HSPA4: variants seen among roughly 807,000 people sequenced by gnomAD.
HSPA4 encodes the protein heat shock 70 kDa protein 4.
In HSPA4, 25 loss-of-function variants were observed where a neutral mutation model predicts 106.2. The observed-to-expected ratio is 0.24, with a 90% CI of 0.17 to 0.33. The LOEUF is 0.33. HSPA4 is among the 10% of genes least tolerant of loss of function. The probability of loss-of-function intolerance (pLI) is 1.00; values close to 1 mark genes in which losing one functional copy is unlikely to be tolerated. For synonymous variants in HSPA4, 332 were observed against 333.6 expected (o/e 1.00, Z 0.05); for missense variants, 841 against 996.0 (o/e 0.84, Z 2.10).
chr5:133,101,920 A>AT (rs1169847023), intron 17 of HSPA4, 42 bp downstream of exon 17: 2 of 1,174,472 alleles, frequency 1.7e-6, no homozygotes, highest in Non-Finnish European at 2.3e-6. Flanking sequence ...AGTAAAGTTA[A>AT]CTTTTTTTTT....
At chr5:133,061,730 G>T (rs1212737078) in intron 1 of HSPA4, among the ~76,000 whole-genome samples, 1 of 150,452 alleles carries the variant, frequency 6.6e-6, no homozygotes, top group Non-Finnish European at 1.5e-5. Flanking sequence ...AGCGATTCTG[G>T]TGCCTCAGCC....
At chr5:133,099,440 G>C in intron 15 of HSPA4, 105 bp from the exon 16 acceptor site, 2 of 520,874 alleles carry the variant, frequency 3.8e-6, no homozygotes, top group Non-Finnish European at 6.9e-6. Context: ...GCTGCCCTCT[G>C]TATTTTAAAG....
chr5:133,070,655 A>G (rs1581468977), intron 4 of HSPA4, among the ~76,000 whole-genome samples, 159 bp downstream of exon 4: 2 of 152,296 alleles, frequency 1.3e-5, no homozygotes, highest in East Asian at 3.9e-4. Context: ...TAATCCCAGC[A>G]CTTTGGGAGG....
rs1765845968 is a variant in HSPA4, at chr5:133,105,537, C to G, written c.*1101C>G. 1 of 152,134 alleles carries G rather than the reference C, an allele frequency of 6.6e-6. No homozygotes were observed. Among genetic ancestry groups the G allele is most frequent in the South Asian group, 2.1e-4 (1 of 4,826 alleles). 9.4% of individuals were successfully genotyped at this position (152,134 alleles called of 1,614,324 possible). A position where few individuals can be genotyped will look rare whatever the true frequency, so the allele number is the denominator to read the frequency against. ...TCATTCTTAACTGTGTGGCCAATGT[C>G]AGGTATACCAAAGCATTCCTCTGAC... On this transcript the variant is annotated 3_prime_UTR_variant, in exon 19 of 19. Transcript: ENST00000304858.
At position 133,055,307 on chromosome 5, in the gene HSPA4, ATTTTTTTTTTT is replaced by A. The variant is rs397999293; in HGVS notation, c.107+2971_107+2981del. ...ATAGAAAATGGTAGCAGGAAGGTTGATTTTTTTTTTTTTTTTTTTTTTTTTTTTTTTGGTAG... is the reference window on the plus strand; with the variant it reads ...ATAGAAAATGGTAGCAGGAAGGTTGATTTTTTTTTTTTTTTTTTTTGGTAG... On this transcript the variant is annotated intron_variant, in intron 1 of 18. Transcript: ENST00000304858. Among the ~76,000 whole-genome samples the A allele has an allele frequency of 5.0e-4, 30 of 60,104 alleles. 1 individual carries two copies. The highest frequency in any genetic ancestry group is 9.3e-4 in the African/African-American group (15 of 16,174). The allele number at this position is 60,104 out of a possible 152,430, so 39.4% of individuals were successfully genotyped here. A position where few individuals can be genotyped will look rare whatever the true frequency, so the allele number is the denominator to read the frequency against.
intron 14 of HSPA4, among the ~76,000 whole-genome samples, 186 bp from the exon 15 acceptor site, chr5:133,096,975 A>C (rs941319589): frequency 6.6e-6 from 1 of 151,978 alleles, no homozygotes; most frequent in African/African-American, 2.4e-5. Context: ...TTTTAATCCC[A>C]CCTACAAAAC....
At chr5:133,054,897 A>T (rs1765139740) in intron 1 of HSPA4, among the ~76,000 whole-genome samples, 1 of 152,178 alleles carries the variant, frequency 6.6e-6, no homozygotes, top group African/African-American at 2.4e-5. Flanking sequence ...GTGATTGAAC[A>T]CGCTTTAGTT....
intron 13 of HSPA4, among the ~76,000 whole-genome samples, chr5:133,093,914 G>A (rs1263765185): frequency 6.6e-6 from 1 of 151,892 alleles, no homozygotes; most frequent in Non-Finnish European, 1.5e-5. Flanking sequence ...CCAACATGGT[G>A]AAACCCCGTC....
intron 1 of HSPA4, among the ~76,000 whole-genome samples, chr5:133,059,180 G>T (rs1034613575): frequency 1.3e-5 from 2 of 151,584 alleles, no homozygotes; most frequent in Admixed American, 6.6e-5. Context: ...GGGTGTGGTG[G>T]CTCGTGCCTG....
chr5:133,070,791 A>C (rs951584555), intron 4 of HSPA4, among the ~76,000 whole-genome samples: 4 of 152,130 alleles, frequency 2.6e-5, no homozygotes, highest in Non-Finnish European at 5.9e-5. Flanking sequence ...AATCCCAGCT[A>C]TTCGGGAGGC....
Position 133,074,089 on chromosome 5 carries a change from A to G in HSPA4, c.626A>G (p.Gln209Arg). The G allele has an allele frequency of 6.2e-7, 1 of 1,605,842 alleles. No homozygotes were observed. Among genetic ancestry groups the G allele is most frequent in the Non-Finnish European group, 8.5e-7 (1 of 1,176,298 alleles). ...VFVDMGHSAYQVSVCAFNRGK... is the reference protein window; with the variant it reads ...VFVDMGHSAYRVSVCAFNRGK... ...GTAGACATGGGCCACTCTGCTTATC[A>G]AGTTTCTGTATGTGCATTTAATAGA... The change falls in exon 6 of 19, where the codon CAA (glutamine) becomes CGA (arginine). Residue 209 changes from glutamine to arginine, a missense_variant. Gln to Arg is a conservative substitution (Grantham distance 43, BLOSUM62 1). Coordinates refer to ENST00000304858, the MANE Select transcript of HSPA4 (RefSeq NM_002154.4).
chr5:133,101,860 C>T lies in HSPA4; in HGVS notation c.2139C>T (p.Ile713=). ...GKQIQQYMKI[I]SSFKNKEDQY... is the part of the protein sequence containing the mutation. ...AGATCCAACAGTATATGAAAATAAT[C>T]AGCTCTTTCAAAAACAAGGTAACTT... Residue 713 remains isoleucine (I), a synonymous_variant, in exon 17 of 19, where the codon ATC becomes ATT. Transcript: ENST00000304858. 6.4e-7 allele frequency: 1 copy of T among 1,574,292 alleles called. No homozygotes were observed. The highest frequency in any genetic ancestry group is 8.6e-7 in the Non-Finnish European group (1 of 1,158,270).
intron 1 of HSPA4, chr5:133,052,653 A>G (rs1014343842): frequency 2.6e-6 from 1 of 378,954 alleles, no homozygotes; most frequent in Non-Finnish European, 4.8e-6. Flanking sequence ...GAAGGACTGC[A>G]GGCCTAGGAT....
chr5:133,052,040 G>C lies in HSPA4; in HGVS notation c.-211G>C, dbSNP rs1765083059. ...GATCTTCTCCGCCCCCGCTACCGGC[G>C]CCTCCTCTGCGGCCACTGAGCCGGA... On this transcript the variant is annotated 5_prime_UTR_variant, in exon 1 of 19. Coordinates refer to ENST00000304858, the MANE Select transcript of HSPA4 (RefSeq NM_002154.4). The C allele has an allele frequency of 7.6e-6, 4 of 527,092 alleles. No individual in the cohort carries two copies. The highest frequency in any genetic ancestry group is 7.1e-5 in the South Asian group (3 of 42,296). 32.7% of individuals were successfully genotyped at this position (527,092 alleles called of 1,614,324 possible). A position where few individuals can be genotyped will look rare whatever the true frequency, so the allele number is the denominator to read the frequency against.
At position 133,052,174 on chromosome 5, in the gene HSPA4, C is replaced by T; in HGVS notation, c.-77C>T. ...CTCGGCCCAAGAGGCCTGCTTTCCA[C>T]TCGCTAGCCCCGCCGGGGGTCCGTG... On this transcript the variant is annotated 5_prime_UTR_variant, in exon 1 of 19. Transcript: ENST00000304858. The T allele has an allele frequency of 1.9e-6, 2 of 1,036,580 alleles. No individual in the cohort carries two copies. Among genetic ancestry groups the T allele is most frequent in the Non-Finnish European group, 2.9e-6 (2 of 699,654 alleles). 64.2% of individuals were successfully genotyped at this position (1,036,580 alleles called of 1,614,324 possible).
At chr5:133,081,330 G>C (rs2126706731) in intron 7 of HSPA4, among the ~76,000 whole-genome samples, 1 of 152,308 alleles carries the variant, frequency 6.6e-6, no homozygotes, top group Non-Finnish European at 1.5e-5. Context: ...TTATAAGTGT[G>C]AGTCCCTCTT....
At chr5:133,090,951 G>T (rs529931661) in intron 11 of HSPA4, 32 of 528,544 alleles carry the variant, frequency 6.1e-5, no homozygotes, top group African/African-American at 5.9e-4. Flanking sequence ...TGGAAGAAAG[G>T]AAAGAATCGG....
Position 133,092,789 on chromosome 5 carries a change from G to A in HSPA4, c.1650G>A (p.Glu550=). 2 of 1,284,568 alleles carry A rather than the reference G, an allele frequency of 1.6e-6. No individual in the cohort carries two copies. Among genetic ancestry groups the A allele is most frequent in the Non-Finnish European group, 1.1e-6 (1 of 888,068 alleles). The allele number at this position is 1,284,568 out of a possible 1,614,324, so 79.6% of individuals were successfully genotyped here. Reference sequence around the variant, plus strand: ...ATAAGGCAGAGTCTGAAGAAATGGAGGTATGCATTGGGTGGTGTTTTTTTT... The same window carrying A: ...ATAAGGCAGAGTCTGAAGAAATGGAAGTATGCATTGGGTGGTGTTTTTTTT... The part of the protein sequence containing the change: ...AENKAESEEM[E]TSQAGSKDKK... The change falls in exon 13 of 19, where the codon GAG becomes GAA. Residue 550 remains glutamate, a splice_region_variant and synonymous_variant. Coordinates refer to ENST00000304858, the MANE Select transcript of HSPA4 (RefSeq NM_002154.4).
In HSPA4 at chr5:133,073,310, A is replaced by T. The variant is rs1581470363; in HGVS notation, c.510A>T (p.Leu170Phe). Residue 170 changes from leucine to phenylalanine, a missense_variant, in exon 5 of 19, where the codon TTA (leucine) becomes TTT (phenylalanine). Physicochemically the swap from Leu to Phe is conservative, Grantham distance 22. Around this residue, in one of 5 missense-constraint regions of HSPA4, gnomAD observed 347 missense variants for 408.7 expected, o/e 0.85. Transcript: ENST00000304858. ...TTGCTGGTCTTAATTGCTTGCGATT[A>T]ATGAATGAAACCACTGCAGGTAAGG... The part of the protein sequence containing the change: ...TQIAGLNCLR[L>F]MNETTAVALA... 6.2e-7 allele frequency: 1 copy of T among 1,608,534 alleles called. No individual in the cohort carries two copies.
Sources: gnomAD v4.1 joint callset for allele counts (sites outside exome capture counted in the v4.1 genomes callset) on GRCh38, gnomAD v4.1.1 for gene constraint, gnomAD v4.1.1 regional missense constraint, MANE v1.5 for transcripts, NCBI Gene and HGNC (gene_info 2026-07-23, HGNC 2026-07-21) for gene names.